The following SEC61A2 variants were observed in gnomAD, a reference collection of about 807,000 sequenced individuals.
The protein encoded by SEC61A2 is protein transport protein Sec61 subunit alpha isoform 2.
A neutral mutation model predicts 59.9 loss-of-function variants in SEC61A2; 28 were observed. That is an observed-to-expected ratio of 0.47 (90% confidence interval 0.35 to 0.64). The LOEUF (loss-of-function observed/expected upper bound fraction) is 0.64, where lower values mean the gene tolerates loss of function less well. SEC61A2 is among the 30% of genes least tolerant of loss of function. The pLI, the probability that SEC61A2 is intolerant of heterozygous loss-of-function variation, is 0.01. For missense variants in SEC61A2, 340 were observed against 585.9 expected (o/e 0.58, Z 4.33); for synonymous variants, 202 against 214.4 (o/e 0.94, Z 0.50).
rs185745206 is a variant in SEC61A2 at position 12,160,732 on chromosome 10, T to C, written c.976-198T>C. 1.3e-5 allele frequency among the ~76,000 whole-genome samples: 2 copies of C among 152,354 alleles called. No individual in the cohort carries two copies. The highest frequency in any genetic ancestry group is 4.8e-5 in the African/African-American group (2 of 41,592). ...CTCAATATTTTCACAGTGTCTTGCA[T>C]GTAATAGGTGTTCATCGTATAACTT... On this transcript the variant is annotated intron_variant, in intron 9 of 11. Coordinates refer to ENST00000298428, the MANE Select transcript of SEC61A2 (RefSeq NM_018144.4). The surrounding 1 kb of genome is among the most constrained non-coding windows in gnomAD (Gnocchi z 4.1).
At position 12,155,270 on chromosome 10, in the gene SEC61A2, G is replaced by C; in HGVS notation, c.463-508G>C. The C allele has an allele frequency of 7.7e-7, 1 of 1,299,994 alleles. No individual in the cohort carries two copies. The highest frequency in any genetic ancestry group is 1.8e-5 in the South Asian group (1 of 54,844). 80.5% of individuals were successfully genotyped at this position (1,299,994 alleles called of 1,614,324 possible). ...TTTTTTATTCTGTACACATTTTATA[G>C]AGTATACATATATATAATATATATA... On this transcript the variant is annotated intron_variant, in intron 6 of 11. Transcript: ENST00000298428. The surrounding 1 kb of genome is among the most constrained non-coding windows in gnomAD (Gnocchi z 4.3).
chr10:12,165,856 C>T (rs1834668106), downstream of SEC61A2: 1 of 152,162 alleles, frequency 6.6e-6, no homozygotes, highest in Non-Finnish European at 1.5e-5. Flanking sequence ...GAGCATCCGC[C>T]AAGGGCCTCA....
chr10:12,146,873 A>T (rs571731671), intron 4 of SEC61A2, among the ~76,000 whole-genome samples: 31 of 151,572 alleles, frequency 2.0e-4, no homozygotes, highest in African/African-American at 7.5e-4. Flanking sequence ...AGAGATAAGA[A>T]CTTTTTGTCA....
chr10:12,139,065 G>A (rs1459439900), intron 3 of SEC61A2, among the ~76,000 whole-genome samples: 1 of 152,084 alleles, frequency 6.6e-6, no homozygotes, highest in Non-Finnish European at 1.5e-5. Context: ...GGGTTCAAGC[G>A]ATTCTCCTAT....
At chr10:12,132,998 G>A (rs1833795853) in intron 1 of SEC61A2, among the ~76,000 whole-genome samples, 2 of 152,152 alleles carry the variant, frequency 1.3e-5, no homozygotes, top group South Asian at 4.1e-4. Flanking sequence ...CTGGAAAAAG[G>A]TTGCTTGGAT....
Position 12,143,429 on chromosome 10 carries a change from A to C in SEC61A2, c.220+234A>C, listed in dbSNP as rs1350984255. ...TTCAGTGTCAAAGAAGGTGATGTCC[A>C]GATAACATTGGAATTGGAGTCCAGG... On this transcript the variant is annotated intron_variant, in intron 4 of 11. Coordinates refer to ENST00000298428, the MANE Select transcript of SEC61A2 (RefSeq NM_018144.4). The surrounding 1 kb of genome is among the most constrained non-coding windows in gnomAD (Gnocchi z 4.8). 6.6e-6 allele frequency among the ~76,000 whole-genome samples: 1 copy of C among 152,164 alleles called. No individual in the cohort carries two copies. Among genetic ancestry groups the C allele is most frequent in the Non-Finnish European group, 1.5e-5 (1 of 68,024 alleles).
chr10:12,146,578 C>T (rs569516291), intron 4 of SEC61A2, among the ~76,000 whole-genome samples: 81 of 149,070 alleles, frequency 5.4e-4, no homozygotes, highest in African/African-American at 1.8e-3. Context: ...AGTGCAGTGG[C>T]GCGATGTCAG....
Position 12,149,820 on chromosome 10 carries a change from G to A in SEC61A2, c.353-32G>A, listed in dbSNP as rs1834234228. 1 of 1,609,466 alleles carries A rather than the reference G, an allele frequency of 6.2e-7. No homozygotes were observed. The highest frequency in any genetic ancestry group is 1.7e-5 in the Admixed American group (1 of 59,584). On this transcript the variant is annotated intron_variant, in intron 5 of 11. Transcript: ENST00000298428. This position sits in a 1 kb window ranked among gnomAD's most constrained non-coding sequence, Gnocchi z 5.2. The stretch of plus-strand genomic sequence containing the variant: ...AGTCTTTTCTTGTCTTTGGTGGTAA[G>A]CGTGCTCTCCTTTCCCCCCAACTTT...
rs1389307912 is a variant in SEC61A2, at chr10:12,153,238, T to TA, written c.463-2539dup. Among the ~76,000 whole-genome samples the TA allele has an allele frequency of 6.6e-6, 1 of 152,198 alleles. No individual in the cohort carries two copies. The highest frequency in any genetic ancestry group is 1.5e-5 in the Non-Finnish European group (1 of 68,040). ...GCTTAGGGTTTCTCTTCGTATGCTT[T>TA]AGGCATTGTTGAGGTTATGGACAGG... On this transcript the variant is annotated intron_variant, in intron 6 of 11. Coordinates refer to ENST00000298428, the MANE Select transcript of SEC61A2 (RefSeq NM_018144.4). This position sits in a 1 kb window ranked among gnomAD's most constrained non-coding sequence, Gnocchi z 5.2.
rs375632972 is a variant in SEC61A2 at position 12,143,253 on chromosome 10, T to C, written c.220+58T>C. On this transcript the variant is annotated intron_variant, in intron 4 of 11. Transcript: ENST00000298428. This position sits in a 1 kb window ranked among gnomAD's most constrained non-coding sequence, Gnocchi z 4.8. The stretch of plus-strand genomic sequence containing the variant: ...CTCACAGCAAACAGATGGAAACATG[T>C]GGATTAGCAATGAGTTTTCAATGTC... 57 of 1,250,804 alleles carry C rather than the reference T, an allele frequency of 4.6e-5. 1 individual carries two copies. Among genetic ancestry groups the C allele is most frequent in the Non-Finnish European group, 6.4e-5 (54 of 849,490 alleles). The allele number at this position is 1,250,804 out of a possible 1,614,324, so 77.5% of individuals were successfully genotyped here.
At chr10:12,130,462 A>G (rs1203820408) in intron 1 of SEC61A2, among the ~76,000 whole-genome samples, 1 of 152,174 alleles carries the variant, frequency 6.6e-6, no homozygotes, top group African/African-American at 2.4e-5. Flanking sequence ...CAGGGCACCC[A>G]TTGGCCAACT....
intron 6 of SEC61A2, among the ~76,000 whole-genome samples, chr10:12,151,837 A>G (rs541566670): frequency 1.3e-5 from 2 of 151,830 alleles, no homozygotes; most frequent in South Asian, 2.1e-4. Flanking sequence ...GCTCGGCACA[A>G]TCTTGGCTCA....
At chr10:12,137,009 A>G (rs1257879325) in intron 3 of SEC61A2, among the ~76,000 whole-genome samples, 2 of 151,430 alleles carry the variant, frequency 1.3e-5, no homozygotes, top group African/African-American at 2.4e-5. Context: ...CAGGTGATCT[A>G]CCTGCCTCAG....
chr10:12,134,473 C>T (rs1386725552), intron 2 of SEC61A2, among the ~76,000 whole-genome samples: 1 of 152,178 alleles, frequency 6.6e-6, no homozygotes, highest in Non-Finnish European at 1.5e-5. Context: ...CACATTGGAT[C>T]CCTGTTTTGC....
rs1023317286 is a variant in SEC61A2, at chr10:12,161,776, T to A, written c.1168-437T>A. On this transcript the variant is annotated intron_variant, in intron 10 of 11. Coordinates refer to ENST00000298428, the MANE Select transcript of SEC61A2 (RefSeq NM_018144.4). The surrounding 1 kb of genome is among the most constrained non-coding windows in gnomAD (Gnocchi z 5.4). The stretch of plus-strand genomic sequence containing the variant: ...AATAAATAGATAAATAAAAAATTTT[T>A]AAAAAAGTAAAATAAAACTTTGTTT... Among the ~76,000 whole-genome samples, 1 of 152,108 alleles carries A rather than the reference T, an allele frequency of 6.6e-6. No homozygotes were observed. The highest frequency in any genetic ancestry group is 2.4e-5 in the African/African-American group (1 of 41,436).
chr10:12,145,884 T>A lies in SEC61A2; in HGVS notation c.220+2689T>A, dbSNP rs563693036. Among the ~76,000 whole-genome samples, 21 of 152,324 alleles carry A rather than the reference T, an allele frequency of 1.4e-4. No homozygotes were observed. Among genetic ancestry groups the A allele is most frequent in the African/African-American group, 5.1e-4 (21 of 41,568 alleles). On this transcript the variant is annotated intron_variant, in intron 4 of 11. Coordinates refer to ENST00000298428, the MANE Select transcript of SEC61A2 (RefSeq NM_018144.4). This position sits in a 1 kb window ranked among gnomAD's most constrained non-coding sequence, Gnocchi z 4.4. ...TGCTGGAAGGATACTGGTTATTTTT[T>A]GGAATCTACAGTGGAGATGAACAGC... is the stretch of plus-strand genomic sequence containing the variant.
rs902921272 is a variant in SEC61A2, at chr10:12,161,729, G to A, written c.1168-484G>A. Among the ~76,000 whole-genome samples the A allele has an allele frequency of 4.6e-5, 7 of 152,152 alleles. No individual in the cohort carries two copies. Among genetic ancestry groups the A allele is most frequent in the African/African-American group, 1.7e-4 (7 of 41,426 alleles). Reference sequence around the variant, plus strand: ...GAACTCCAGCCTGGCGACAGAGCTAGACTCCGTCTCCAAAATAAATAAATA... The same window carrying A: ...GAACTCCAGCCTGGCGACAGAGCTAAACTCCGTCTCCAAAATAAATAAATA... On this transcript the variant is annotated intron_variant, in intron 10 of 11. Coordinates refer to ENST00000298428, the MANE Select transcript of SEC61A2 (RefSeq NM_018144.4). This position sits in a 1 kb window ranked among gnomAD's most constrained non-coding sequence, Gnocchi z 5.4.
chr10:12,139,242 G>A (rs924720688), intron 3 of SEC61A2, among the ~76,000 whole-genome samples: 3 of 151,576 alleles, frequency 2.0e-5, no homozygotes, highest in Non-Finnish European at 4.4e-5. Flanking sequence ...GATTACAGGC[G>A]TGAGCCACCA....
At position 12,149,098 on chromosome 10, in the gene SEC61A2, G is replaced by C. The variant is rs996923289; in HGVS notation, c.221-497G>C. ...TCTCCCTATAAATTCTTTTTTTTTGGTTTGTTTTTGAGATGGAGTCTCACT... is the reference window on the plus strand; with the variant it reads ...TCTCCCTATAAATTCTTTTTTTTTGCTTTGTTTTTGAGATGGAGTCTCACT... On this transcript the variant is annotated intron_variant, in intron 4 of 11. Transcript: ENST00000298428. This position sits in a 1 kb window ranked among gnomAD's most constrained non-coding sequence, Gnocchi z 5.2. Among the ~76,000 whole-genome samples, 2 of 150,938 alleles carry C rather than the reference G, an allele frequency of 1.3e-5. No individual in the cohort carries two copies. The highest frequency in any genetic ancestry group is 3.9e-4 in the East Asian group (2 of 5,126).
Sources: allele counts gnomAD v4.1 joint callset (sites outside exome capture counted in the v4.1 genomes callset), GRCh38; gene constraint gnomAD v4.1.1; non-coding constraint Gnocchi (gnomAD v3.1); transcripts MANE v1.5; gene names NCBI Gene and HGNC (gene_info 2026-07-23, HGNC 2026-07-21).